The following CELF2 variants were observed in gnomAD, a reference collection of about 807,000 sequenced individuals.
CELF2 encodes the protein CUGBP Elav-like family member 2, also known as CUG triplet repeat RNA-binding protein 2.
CELF2 carries 8 observed loss-of-function variants against 62.6 expected under a neutral mutation model. That is an observed-to-expected ratio of 0.13 (90% CI 0.07 to 0.23). The LOEUF (loss-of-function observed/expected upper bound fraction) is 0.23. Among genes scored for constraint, CELF2 ranks in the 10% least tolerant of loss-of-function variants. The pLI, the probability that CELF2 is intolerant of heterozygous loss-of-function variation, is 1.00. For synonymous variants in CELF2, 258 were observed against 250.0 expected, an observed-to-expected ratio of 1.03 and a Z score of -0.30; for missense variants, 333 against 671.0, an observed-to-expected ratio of 0.50 and a Z score of 5.56.
the CELF2 span, among the ~76,000 whole-genome samples, chr10:10,727,785 A>G: frequency 6.6e-6 from 1 of 151,984 alleles, no homozygotes; most frequent in African/African-American, 2.4e-5. Context: ...CAAAAAAAAA[A>G]AAAGAAAGAA....
At chr10:11,232,301 G>A (rs892704408) in intron 3 of CELF2, among the ~76,000 whole-genome samples, 1 of 152,144 alleles carries the variant, frequency 6.6e-6, no homozygotes, top group Non-Finnish European at 1.5e-5. Context: ...AATTAATGTA[G>A]TCGGGGCTAA....
chr10:10,893,883 C>G (rs1340678250), intron 1 of CELF2, among the ~76,000 whole-genome samples: 1 of 152,220 alleles, frequency 6.6e-6, no homozygotes, highest in Non-Finnish European at 1.5e-5. Context: ...TCACCTCCCA[C>G]TAGGCCCTGC....
chr10:10,757,645 C>T, the CELF2 span, among the ~76,000 whole-genome samples: 1 of 152,036 alleles, frequency 6.6e-6, no homozygotes, highest in South Asian at 2.1e-4. Context: ...CAAATGAAAT[C>T]AACTACAGAC....
chr10:10,688,620 T>C, the CELF2 span, among the ~76,000 whole-genome samples: 3 of 152,202 alleles, frequency 2.0e-5, no homozygotes. Context: ...ACCTTTATAA[T>C]ATTTACAGTA....
intron 9 of CELF2, among the ~76,000 whole-genome samples, chr10:11,294,939 T>C (rs1263573196): frequency 1.3e-5 from 2 of 152,108 alleles, no homozygotes; most frequent in East Asian, 3.9e-4. Flanking sequence ...CTGTCAAACG[T>C]CTTTTCATTT....
At chr10:10,558,465 A>C in the CELF2 span, among the ~76,000 whole-genome samples, 3 of 152,120 alleles carry the variant, frequency 2.0e-5, no homozygotes, top group South Asian at 6.2e-4. Flanking sequence ...TTTTGCATCA[A>C]TGTTCATCAA....
intron 1 of CELF2, among the ~76,000 whole-genome samples, chr10:11,040,299 C>A (rs2061607394): frequency 6.6e-6 from 1 of 152,086 alleles, no homozygotes; most frequent in Non-Finnish European, 1.5e-5. Context: ...GGAGAAGAAG[C>A]AAAATAGGGT....
the CELF2 span, among the ~76,000 whole-genome samples, chr10:10,787,194 T>G: frequency 6.7e-6 from 1 of 150,124 alleles, no homozygotes; most frequent in Non-Finnish European, 1.5e-5. Context: ...TTTTTAATGC[T>G]TCAGTGGGAA....
chr10:10,576,829 G>A, the CELF2 span, among the ~76,000 whole-genome samples: 1 of 152,164 alleles, frequency 6.6e-6, no homozygotes, highest in Non-Finnish European at 1.5e-5. Context: ...TAACACTGGA[G>A]TTACTCTTAC....
chr10:11,114,806 A>AG (rs1412251704), intron 1 of CELF2, among the ~76,000 whole-genome samples: 1 of 152,252 alleles, frequency 6.6e-6, no homozygotes, highest in East Asian at 1.9e-4. Context: ...CCACTACAGA[A>AG]GATGCGATCA....
At chr10:11,001,600 A>G (rs954216075), upstream of CELF2, among the ~76,000 whole-genome samples, 2 of 152,230 alleles carry the variant, frequency 1.3e-5, no homozygotes, top group Non-Finnish European at 2.9e-5. Flanking sequence ...AAAGGCCAAG[A>G]AGCTGGCTGA....
At chr10:11,122,219 T>C (rs1010055857) in intron 1 of CELF2, among the ~76,000 whole-genome samples, 28 of 152,314 alleles carry the variant, frequency 1.8e-4, no homozygotes, top group Admixed American at 3.3e-4. Context: ...CTCAGCTGTA[T>C]CCCTGGATCC....
rs2095290283 is a variant in CELF2, at chr10:11,319,345, A to G, written c.1097-1844A>G. ...CACAAATAGTGGGAGGTGAGGATGA[A>G]GTAAGATCACTGGAGGAATAGAGAA... is the stretch of plus-strand genomic sequence containing the variant. On this transcript the variant is annotated intron_variant, in intron 10 of 12. Coordinates refer to ENST00000633077, the MANE Select transcript of CELF2 (RefSeq NM_001326342.2). The surrounding 1 kb of genome is among the most constrained non-coding windows in gnomAD (Gnocchi z 4.4). 2.8e-6 allele frequency: 1 copy of G among 351,686 alleles called. No homozygotes were observed. Among genetic ancestry groups the G allele is most frequent in the African/African-American group, 2.1e-5 (1 of 46,630 alleles). The allele number at this position is 351,686 out of a possible 1,614,324, so 21.8% of individuals were successfully genotyped here. A position where few individuals can be genotyped will look rare whatever the true frequency, so the allele number is the denominator to read the frequency against.
intron 1 of CELF2, among the ~76,000 whole-genome samples, chr10:11,123,066 A>C (rs2058067055): frequency 6.6e-6 from 1 of 151,158 alleles, no homozygotes; most frequent in African/African-American, 2.4e-5. Flanking sequence ...GTACATCCAT[A>C]GTTTTCCAGT....
intron 1 of CELF2, among the ~76,000 whole-genome samples, chr10:10,892,172 A>G (rs1241652073): frequency 6.6e-6 from 1 of 152,198 alleles, no homozygotes; most frequent in East Asian, 1.9e-4. Flanking sequence ...AGCAAGACAT[A>G]AGTAAGAAAA....
At chr10:10,945,144 A>G (rs1410254442) in intron 2 of CELF2, among the ~76,000 whole-genome samples, 4 of 152,144 alleles carry the variant, frequency 2.6e-5, no homozygotes, top group Non-Finnish European at 4.4e-5. Flanking sequence ...CATTCAGCCT[A>G]AGAACGGATG....
chr10:11,030,342 A>G (rs1334411695), intron 1 of CELF2: 1 of 152,220 alleles, frequency 6.6e-6, no homozygotes, highest in Non-Finnish European at 1.5e-5. Flanking sequence ...GAGGTTCTAA[A>G]AGGTGGTGGT....
the CELF2 span, among the ~76,000 whole-genome samples, chr10:10,719,114 A>T: frequency 6.6e-6 from 1 of 151,266 alleles, no homozygotes; most frequent in African/African-American, 2.4e-5. Flanking sequence ...GGCATGTACC[A>T]AGCCCAGCTA....
chr10:11,279,804 T>A (rs2087630108), intron 8 of CELF2, among the ~76,000 whole-genome samples: 1 of 152,222 alleles, frequency 6.6e-6, no homozygotes, highest in East Asian at 1.9e-4. Context: ...ACATAATTTC[T>A]TCGTTTTGAG....
Sources: gnomAD v4.1 joint callset for allele counts (sites outside exome capture counted in the v4.1 genomes callset) on GRCh38, gnomAD v4.1.1 for gene constraint, Gnocchi (gnomAD v3.1) non-coding constraint, MANE v1.5 for transcripts, NCBI Gene and HGNC (gene_info 2026-07-23, HGNC 2026-07-21) for gene names.